Variants in SH3GL3 observed in about 807,000 individuals in gnomAD.
SH3GL3 encodes the protein SH3 domain containing GRB2 like 3, endophilin A3, also known as endophilin-A3.
SH3GL3 carries 33 observed loss-of-function variants against 47.7 expected under a neutral mutation model. The ratio of observed to expected loss-of-function variants is 0.69; its 90% CI spans 0.52 to 0.92. The LOEUF is 0.92. SH3GL3 is among the 40% of genes least tolerant of loss of function. The probability of loss-of-function intolerance (pLI) is 0.00; values close to 1 mark genes in which losing one functional copy is unlikely to be tolerated. For synonymous variants in SH3GL3, 155 were observed against 148.8 expected (o/e 1.04, Z -0.30); for missense variants, 363 against 417.8 (o/e 0.87, Z 1.14).
chr15:83,583,048 G>C (rs1231233235), intron 6 of SH3GL3, among the ~76,000 whole-genome samples: 1 of 152,206 alleles, frequency 6.6e-6, no homozygotes, highest in African/African-American at 2.4e-5. Flanking sequence ...TGATATGATA[G>C]AGCAAGAAAT....
chr15:83,569,715 G>A (rs1449326934), intron 4 of SH3GL3, among the ~76,000 whole-genome samples: 1 of 152,198 alleles, frequency 6.6e-6, no homozygotes, highest in Non-Finnish European at 1.5e-5. Context: ...CATTTGATAT[G>A]TAGTATACAA....
At chr15:83,629,508 T>C in the SH3GL3 span, among the ~76,000 whole-genome samples, 1 of 152,260 alleles carries the variant, frequency 6.6e-6, no homozygotes, top group East Asian at 1.9e-4. Context: ...CTTCACACCA[T>C]ACATAAAAAT....
intron 8 of SH3GL3, among the ~76,000 whole-genome samples, chr15:83,597,955 A>C (rs2060276449): frequency 6.6e-6 from 1 of 151,984 alleles, no homozygotes; most frequent in African/African-American, 2.4e-5. Context: ...TATCTCCTTG[A>C]GTGTTTGTTG....
chr15:83,624,020 C>T, the SH3GL3 span, among the ~76,000 whole-genome samples: 2 of 152,116 alleles, frequency 1.3e-5, no homozygotes, highest in Non-Finnish European at 2.9e-5. Flanking sequence ...CTCCTGACCT[C>T]AGGTGATCCG....
chr15:83,591,064 G>A (rs1435474864), intron 8 of SH3GL3, among the ~76,000 whole-genome samples: 2 of 152,134 alleles, frequency 1.3e-5, no homozygotes, highest in African/African-American at 4.8e-5. Context: ...CTGGAGTAGA[G>A]TGGTGCAATC....
intron 1 of SH3GL3, among the ~76,000 whole-genome samples, chr15:83,524,244 T>C (rs992973316): frequency 9.9e-5 from 15 of 152,234 alleles, no homozygotes; most frequent in Non-Finnish European, 7.3e-5. Flanking sequence ...TGCTGACTTA[T>C]TGGCTGTTTT....
chr15:83,619,444 G>A (rs2151856516), downstream of SH3GL3, among the ~76,000 whole-genome samples: 1 of 152,244 alleles, frequency 6.6e-6, no homozygotes, highest in Non-Finnish European at 1.5e-5. Flanking sequence ...AGAGCATCAG[G>A]AACATAGCTA....
At chr15:83,551,658 T>G (rs1400290811) in intron 1 of SH3GL3, among the ~76,000 whole-genome samples, 1 of 152,208 alleles carries the variant, frequency 6.6e-6, no homozygotes, top group East Asian at 1.9e-4. Flanking sequence ...GTCTCCATTG[T>G]CCCCAGAATT....
At position 83,556,449 on chromosome 15, in the gene SH3GL3, A is replaced by G. The variant is rs1300453033; in HGVS notation, c.46-2804A>G. On this transcript the variant is annotated intron_variant, in intron 1 of 8. Coordinates refer to ENST00000427482, the MANE Select transcript of SH3GL3 (RefSeq NM_003027.5). ...TTGTCTTTTCAAACAAGATATATTCATGTCACTAGTTTCTGTTCTTGAAAG... is the reference window on the plus strand; with the variant it reads ...TTGTCTTTTCAAACAAGATATATTCGTGTCACTAGTTTCTGTTCTTGAAAG... 2.0e-5 allele frequency among the ~76,000 whole-genome samples: 3 copies of G among 152,226 alleles called. No individual in the cohort carries two copies. In the East Asian group the frequency reaches 5.8e-4, roughly 29 times the overall value.
At chr15:83,552,522 A>G (rs1263201374) in intron 1 of SH3GL3, among the ~76,000 whole-genome samples, 2 of 152,184 alleles carry the variant, frequency 1.3e-5, no homozygotes, top group African/African-American at 2.4e-5. Context: ...TCTATATGGT[A>G]TTGATTGACT....
intron 7 of SH3GL3, among the ~76,000 whole-genome samples, chr15:83,588,360 A>G (rs2151806706): frequency 6.6e-6 from 1 of 152,192 alleles, no homozygotes; most frequent in Non-Finnish European, 1.5e-5. Flanking sequence ...CGAACTCCTG[A>G]CCTCAGGTGA....
At chr15:83,560,477 ACT>A (rs944570024) in intron 2 of SH3GL3, among the ~76,000 whole-genome samples, 3 of 152,272 alleles carry the variant, frequency 2.0e-5, no homozygotes, top group Admixed American at 6.5e-5. Context: ...CTTAAAAAAA[ACT>A]CTTAATATAC....
chr15:83,554,845 T>C (rs944566709), intron 1 of SH3GL3, among the ~76,000 whole-genome samples: 3 of 152,228 alleles, frequency 2.0e-5, no homozygotes, highest in African/African-American at 7.2e-5. Flanking sequence ...TTGCTGCGTC[T>C]GGGTGTGAAT....
intron 1 of SH3GL3, among the ~76,000 whole-genome samples, chr15:83,512,253 A>G (rs965256270): frequency 1.1e-4 from 16 of 152,292 alleles, no homozygotes; most frequent in Non-Finnish European, 1.6e-4. Flanking sequence ...ACACAGATGC[A>G]TTGCCATTTT....
chr15:83,462,226 T>C (rs2151510548), intron 1 of SH3GL3, among the ~76,000 whole-genome samples: 1 of 152,322 alleles, frequency 6.6e-6, no homozygotes, highest in East Asian at 1.9e-4. Context: ...ACTGCAAAAC[T>C]GCTGACTTCA....
intron 1 of SH3GL3, among the ~76,000 whole-genome samples, chr15:83,487,596 G>T (rs1209136052): frequency 3.3e-5 from 5 of 152,060 alleles, no homozygotes; most frequent in African/African-American, 1.2e-4. Flanking sequence ...TTCAAATTCT[G>T]GTCATAGGCA....
intron 2 of SH3GL3, among the ~76,000 whole-genome samples, chr15:83,561,509 A>G (rs1372077517): frequency 3.3e-5 from 5 of 152,188 alleles, no homozygotes; most frequent in Non-Finnish European, 7.3e-5. Context: ...CCAAGAAGCT[A>G]GGAAAATAAC....
chr15:83,464,621 A>C (rs909033939), intron 1 of SH3GL3, among the ~76,000 whole-genome samples: 13 of 152,304 alleles, frequency 8.5e-5, no homozygotes, highest in East Asian at 1.9e-4. Context: ...GCAAAACAAA[A>C]CAAACCAAAG....
At chr15:83,573,877 G>A (rs2059599283) in intron 5 of SH3GL3, among the ~76,000 whole-genome samples, 1 of 152,262 alleles carries the variant, frequency 6.6e-6, no homozygotes, top group Non-Finnish European at 1.5e-5. Context: ...AAGCTCACAG[G>A]TGTAGGGTAG....
Sources: gnomAD v4.1 joint callset for allele counts (sites outside exome capture counted in the v4.1 genomes callset) on GRCh38, gnomAD v4.1.1 for gene constraint, MANE v1.5 for transcripts, NCBI Gene and HGNC (gene_info 2026-07-23, HGNC 2026-07-21) for gene names.